The following RGL1 variants were observed in gnomAD, a reference collection of about 807,000 sequenced individuals.
The protein encoded by RGL1 is ral guanine nucleotide dissociation stimulator like 1, also known as ral guanine nucleotide dissociation stimulator-like 1.
In RGL1, 24 loss-of-function variants were observed where a neutral mutation model predicts 95.2. That is an observed-to-expected ratio of 0.25 (90% confidence interval 0.18 to 0.35). RGL1 has a LOEUF of 0.35. Ranked by LOEUF, RGL1 falls within the 10% of genes least tolerant of loss-of-function variation. The pLI is 1.00. For missense variants in RGL1, 715 were observed against 936.3 expected, an observed-to-expected ratio of 0.76 and a Z score of 3.08; for synonymous variants, 329 against 344.9, an observed-to-expected ratio of 0.95 and a Z score of 0.51.
At chr1:183,878,398 A>C (rs922265262) in intron 4 of RGL1, among the ~76,000 whole-genome samples, 1 of 152,022 alleles carries the variant, frequency 6.6e-6, no homozygotes, top group Non-Finnish European at 1.5e-5. Context: ...GGGTTTCGCC[A>C]CGTTGCCCTA....
intron 1 of RGL1, among the ~76,000 whole-genome samples, chr1:183,716,861 A>G (rs1655654603): frequency 6.6e-6 from 1 of 152,258 alleles, no homozygotes; most frequent in Non-Finnish European, 1.5e-5. Flanking sequence ...GAAGACAGCT[A>G]GTTCTTTGCC....
intron 1 of RGL1, among the ~76,000 whole-genome samples, chr1:183,687,638 G>A (rs757199196): frequency 2.0e-4 from 30 of 152,110 alleles, no homozygotes; most frequent in Non-Finnish European, 3.5e-4. Context: ...AAATGACTGG[G>A]AAGAAACTTT....
At chr1:183,710,978 C>G (rs1655228309) in intron 1 of RGL1, among the ~76,000 whole-genome samples, 2 of 152,220 alleles carry the variant, frequency 1.3e-5, no homozygotes, top group Non-Finnish European at 2.9e-5. Flanking sequence ...TATGTCTTCT[C>G]TCTCCTGAGC....
chr1:183,710,256 C>A, intron 1 of RGL1: 1 of 171,982 alleles, frequency 5.8e-6, no homozygotes, highest in South Asian at 1.2e-4. Flanking sequence ...TGCCTGCCTC[C>A]CCCGCACCCC....
At chr1:183,742,520 A>T (rs966585280) in intron 2 of RGL1, among the ~76,000 whole-genome samples, 28 of 152,236 alleles carry the variant, frequency 1.8e-4, no homozygotes, top group Admixed American at 1.7e-3. Flanking sequence ...CGCTTAAAAA[A>T]TGATGATCTA....
chr1:183,713,228 G>A (rs528190930), intron 1 of RGL1, among the ~76,000 whole-genome samples: 1 of 152,142 alleles, frequency 6.6e-6, no homozygotes, highest in Admixed American at 6.5e-5. Flanking sequence ...GTTTTGCCAT[G>A]TTGGCCGGGC....
chr1:183,919,183 A>G (rs1240258954), intron 16 of RGL1, among the ~76,000 whole-genome samples: 1 of 152,270 alleles, frequency 6.6e-6, no homozygotes, highest in East Asian at 1.9e-4. Flanking sequence ...TTTATTTTTT[A>G]ATGAAAAATA....
rs148032153 is a variant in RGL1 at position 183,675,293 on chromosome 1, G to GT, written c.-33+38803dup. Among the ~76,000 whole-genome samples the GT allele has an allele frequency of 9.2e-4, 135 of 146,402 alleles. 1 individual carries two copies. Among genetic ancestry groups the GT allele is most frequent in the East Asian group, 1.4e-3 (7 of 5,018 alleles). On this transcript the variant is annotated intron_variant, in intron 1 of 18. Transcript: ENST00000304685. ...ATAGGAAACATTTCAATTCTATATG[G>GT]TTTTTTTTTTTCTCTTTGTTTTCTT...
intron 2 of RGL1, among the ~76,000 whole-genome samples, chr1:183,846,899 A>T (rs1664481274): frequency 1.3e-5 from 2 of 152,106 alleles, no homozygotes. Context: ...AATGAGTTTG[A>T]AAACTTTCCA....
At chr1:183,887,189 T>TCCTTC (rs1667162941) in intron 7 of RGL1, among the ~76,000 whole-genome samples, 1 of 115,422 alleles carries the variant, frequency 8.7e-6, no homozygotes, top group Non-Finnish European at 1.7e-5. Context: ...CCTCCCTCCC[T>TCCTTC]CCCTCCTTCC....
intron 2 of RGL1, among the ~76,000 whole-genome samples, chr1:183,758,198 A>ATT (rs56900976): frequency 1.4e-3 from 204 of 144,040 alleles, no homozygotes; most frequent in African/African-American, 1.5e-3. Flanking sequence ...AAACGATAGA[A>ATT]TTTTTTTTTT....
In RGL1 at chr1:183,785,383, C is replaced by T. The variant is rs139804814; in HGVS notation, c.133-20992C>T. 3.2e-3 allele frequency among the ~76,000 whole-genome samples: 494 copies of T among 152,298 alleles called. 14 individuals carry two copies. Among genetic ancestry groups the T allele is most frequent in the Admixed American group, 0.029 (449 of 15,292 alleles). ...CTTTTTCATGTGTTAACTTTTGCCTCCTATTAAGGTCTCAGCTGTAGGCAT... is the reference window on the plus strand; with the variant it reads ...CTTTTTCATGTGTTAACTTTTGCCTTCTATTAAGGTCTCAGCTGTAGGCAT... On this transcript the variant is annotated intron_variant, in intron 2 of 18. Transcript: ENST00000304685.
intron 1 of RGL1, among the ~76,000 whole-genome samples, chr1:183,737,255 G>A (rs577140759): frequency 1.5e-4 from 23 of 152,238 alleles, no homozygotes; most frequent in Non-Finnish European, 2.1e-4. Context: ...AATACTTAAC[G>A]TTTTCAAGAT....
chr1:183,715,635 A>G (rs773038206), intron 1 of RGL1, among the ~76,000 whole-genome samples: 4 of 152,158 alleles, frequency 2.6e-5, no homozygotes, highest in Non-Finnish European at 4.4e-5. Context: ...AGCCCATGCA[A>G]TCCTTAGCTC....
intron 3 of RGL1, among the ~76,000 whole-genome samples, chr1:183,864,207 G>A (rs1665689742): frequency 6.6e-6 from 1 of 152,126 alleles, no homozygotes; most frequent in Non-Finnish European, 1.5e-5. Flanking sequence ...ATCTTTCCCT[G>A]GTGTTTTCCC....
intron 3 of RGL1, among the ~76,000 whole-genome samples, chr1:183,849,591 A>G (rs1051668390): frequency 1.4e-5 from 2 of 144,420 alleles, no homozygotes; most frequent in Admixed American, 7.4e-5. Flanking sequence ...CTTGGGTTCA[A>G]GCAATTCTCC....
At chr1:183,805,589 T>C (rs887788522) in intron 1 of RGL1, among the ~76,000 whole-genome samples, 3 of 152,238 alleles carry the variant, frequency 2.0e-5, no homozygotes, top group Non-Finnish European at 2.9e-5. Context: ...GAAAAAGAAC[T>C]GTTAGTGTGG....
Position 183,927,822 on chromosome 1 carries a change from T to C in RGL1, c.*1530T>C, listed in dbSNP as rs1166265600. The C allele has an allele frequency of 6.6e-6, 1 of 152,670 alleles. No homozygotes were observed. Among genetic ancestry groups the C allele is most frequent in the Non-Finnish European group, 1.5e-5 (1 of 68,048 alleles). The allele number at this position is 152,670 out of a possible 1,614,324, so 9.5% of individuals were successfully genotyped here. On this transcript the variant is annotated 3_prime_UTR_variant, in exon 18 of 18. Coordinates refer to ENST00000360851, the MANE Select transcript of RGL1 (RefSeq NM_001297671.3). Reference sequence around the variant, plus strand: ...CAGATTGTAACATGGAGCTATTTTTTTTTCTTAATCCCATAATACAGCTCC... The same window carrying C: ...CAGATTGTAACATGGAGCTATTTTTCTTTCTTAATCCCATAATACAGCTCC...
intron 1 of RGL1, among the ~76,000 whole-genome samples, chr1:183,702,874 G>A (rs1377341996): frequency 2.6e-5 from 4 of 152,188 alleles, no homozygotes; most frequent in African/African-American, 4.8e-5. Flanking sequence ...GGGTGCAGAC[G>A]GGCTGAGGCT....
Sources: gnomAD v4.1 joint callset for allele counts (sites outside exome capture counted in the v4.1 genomes callset) on GRCh38, gnomAD v4.1.1 for gene constraint, MANE v1.5 for transcripts, NCBI Gene and HGNC (gene_info 2026-07-23, HGNC 2026-07-21) for gene names.